DPH6: variants seen among roughly 807,000 people sequenced by gnomAD.
DPH6 encodes the protein diphthamine biosynthesis 6.
Under a neutral mutation model 38.2 loss-of-function variants are expected in DPH6, and 33 were observed. The ratio of observed to expected loss-of-function variants is 0.86; its 90% CI spans 0.65 to 1.15. The LOEUF is 1.15. Among genes scored for constraint, DPH6 ranks in the 50% most tolerant of loss-of-function variants. The pLI is 0.00. For synonymous variants in DPH6, 108 were observed against 103.0 expected, an observed-to-expected ratio of 1.05 and a Z score of -0.30; for missense variants, 325 against 320.0, an observed-to-expected ratio of 1.02 and a Z score of -0.12.
intron 3 of DPH6, chr15:35,237,772 C>T (rs1220020667): frequency 8.1e-6 from 13 of 1,609,030 alleles, no homozygotes; most frequent in Non-Finnish European, 1.0e-5. Context: ...ACGGCTATGA[C>T]CGGGACGACA....
chr15:35,521,495 A>G (rs976764903), intron 3 of DPH6: 2 of 1,212,496 alleles, frequency 1.6e-6, no homozygotes, highest in Non-Finnish European at 2.1e-6. Context: ...TTACAACAGA[A>G]TCAAAGTGCT....
chr15:35,325,812 T>C (rs534921881), downstream of DPH6, among the ~76,000 whole-genome samples: 24 of 152,260 alleles, frequency 1.6e-4, 1 homozygote, highest in South Asian at 3.5e-3. Flanking sequence ...TGGGAAAAGA[T>C]ATCTCCAACA....
chr15:35,479,587 AAT>A (rs2054302428), intron 3 of DPH6, among the ~76,000 whole-genome samples: 2 of 152,070 alleles, frequency 1.3e-5, no homozygotes. Context: ...GCAACTACAA[AAT>A]ATCATAGGGT....
At chr15:35,333,306 A>G (rs1417475065) in intron 3 of DPH6, among the ~76,000 whole-genome samples, 2 of 152,194 alleles carry the variant, frequency 1.3e-5, no homozygotes, top group Admixed American at 6.6e-5. Context: ...TCTTGCAATC[A>G]TGCAAAGGAG....
At chr15:35,423,439 A>C (rs985248287) in intron 5 of DPH6, among the ~76,000 whole-genome samples, 1 of 151,738 alleles carries the variant, frequency 6.6e-6, no homozygotes, top group African/African-American at 2.4e-5. Context: ...TATATTTTAA[A>C]TGTTAACTCC....
intron 6 of DPH6, among the ~76,000 whole-genome samples, chr15:35,408,783 C>T (rs181785560): frequency 7.2e-4 from 110 of 152,058 alleles, no homozygotes; most frequent in African/African-American, 2.6e-3. Context: ...TGATTTTGGT[C>T]AGCACTGTAT....
chr15:35,330,587 T>C (rs2052319854), downstream of DPH6, among the ~76,000 whole-genome samples: 1 of 152,244 alleles, frequency 6.6e-6, no homozygotes, highest in South Asian at 2.1e-4. Context: ...AATTATGGTG[T>C]TAACAAAAGC....
intron 3 of DPH6, among the ~76,000 whole-genome samples, chr15:35,344,432 C>A (rs1291964373): frequency 6.6e-6 from 1 of 151,846 alleles, no homozygotes; most frequent in Admixed American, 6.6e-5. Context: ...CAGTTAAGTG[C>A]AAGCTGTGTT....
chr15:35,240,903 C>G (rs2051593321), intron 3 of DPH6, among the ~76,000 whole-genome samples: 1 of 143,234 alleles, frequency 7.0e-6, no homozygotes, highest in African/African-American at 2.5e-5. Flanking sequence ...TCAAGGTGTA[C>G]AATAATAGAA....
At chr15:35,536,930 G>A (rs993436835) in intron 3 of DPH6, among the ~76,000 whole-genome samples, 1 of 151,898 alleles carries the variant, frequency 6.6e-6, no homozygotes, top group Non-Finnish European at 1.5e-5. Context: ...CTTCCCAGAG[G>A]GAAGAAAGCA....
At chr15:35,209,725 T>A in the DPH6 span, among the ~76,000 whole-genome samples, 3 of 152,196 alleles carry the variant, frequency 2.0e-5, no homozygotes, top group Non-Finnish European at 2.9e-5. Flanking sequence ...TAGTGATGAC[T>A]ATAAGTTTCT....
chr15:35,290,520 T>C (rs2051973445), intron 3 of DPH6, among the ~76,000 whole-genome samples: 1 of 152,160 alleles, frequency 6.6e-6, no homozygotes, highest in Non-Finnish European at 1.5e-5. Flanking sequence ...AGAAGGCGAT[T>C]TAGTGTGACA....
chr15:35,195,609 T>A, the DPH6 span, among the ~76,000 whole-genome samples: 3 of 152,158 alleles, frequency 2.0e-5, no homozygotes, highest in Admixed American at 2.0e-4. Flanking sequence ...TGTGAGCAGG[T>A]CTGATACTCA....
In DPH6 at chr15:35,372,115, A is replaced by G. The variant is rs2052720174; in HGVS notation, c.*35T>C. The G allele has an allele frequency of 2.0e-6, 3 of 1,500,516 alleles. No homozygotes were observed. Among genetic ancestry groups the G allele is most frequent in the East Asian group, 2.6e-5 (1 of 39,172 alleles). The allele number at this position is 1,500,516 out of a possible 1,614,324, so 93.0% of individuals were successfully genotyped here. A position where few individuals can be genotyped will look rare whatever the true frequency, so the allele number is the denominator to read the frequency against. On this transcript the variant is annotated 3_prime_UTR_variant, in exon 9 of 9. Transcript: ENST00000256538. Reference sequence around the variant, plus strand: ...TACTATGCAATTTTTTTGTATAGAAATGGTGGTTTAATGAACAATGTTCCA... The same window carrying G: ...TACTATGCAATTTTTTTGTATAGAAGTGGTGGTTTAATGAACAATGTTCCA...
chr15:35,228,924 G>A (rs1439114290), intron 3 of DPH6, among the ~76,000 whole-genome samples: 1 of 152,114 alleles, frequency 6.6e-6, no homozygotes, highest in African/African-American at 2.4e-5. Context: ...CAGGCATAGT[G>A]GAGCTCCATA....
At chr15:35,176,695 T>C in the DPH6 span, among the ~76,000 whole-genome samples, 1 of 152,166 alleles carries the variant, frequency 6.6e-6, no homozygotes, top group Non-Finnish European at 1.5e-5. Flanking sequence ...GGTCTCGAAC[T>C]CCCAACCTCA....
At chr15:35,244,130 T>C (rs1035702597) in intron 3 of DPH6, among the ~76,000 whole-genome samples, 1 of 152,168 alleles carries the variant, frequency 6.6e-6, no homozygotes, top group Non-Finnish European at 1.5e-5. Flanking sequence ...CAATTTTTTA[T>C]GCTCAGGTAA....
intron 3 of DPH6, among the ~76,000 whole-genome samples, chr15:35,315,483 A>G (rs2052180846): frequency 6.6e-6 from 1 of 152,246 alleles, no homozygotes; most frequent in Admixed American, 6.5e-5. Flanking sequence ...ACTTTGCAAC[A>G]GTGACATATT....
chr15:35,191,130 G>T, the DPH6 span, among the ~76,000 whole-genome samples: 2 of 152,136 alleles, frequency 1.3e-5, no homozygotes, highest in Admixed American at 1.3e-4. Flanking sequence ...ATCAATCATT[G>T]TTTAATGAAG....
Sources: gnomAD v4.1 joint callset for allele counts (sites outside exome capture counted in the v4.1 genomes callset) on GRCh38, gnomAD v4.1.1 for gene constraint, MANE v1.5 for transcripts, NCBI Gene and HGNC (gene_info 2026-07-23, HGNC 2026-07-21) for gene names.